RBPMS: variants seen among roughly 807,000 people sequenced by gnomAD.
The protein encoded by RBPMS is RNA-binding protein with multiple splicing.
Under a neutral mutation model 26.8 loss-of-function variants are expected in RBPMS, and 7 were observed. The ratio of observed to expected loss-of-function variants is 0.26; its 90% CI spans 0.15 to 0.49. The LOEUF (loss-of-function observed/expected upper bound fraction) is 0.49, where lower values mean the gene tolerates loss of function less well. Ranked by LOEUF, RBPMS falls within the 20% of genes least tolerant of loss-of-function variation. The pLI, the probability that RBPMS is intolerant of heterozygous loss-of-function variation, is 0.98. For missense variants in RBPMS, 186 were observed against 250.0 expected, an observed-to-expected ratio of 0.74 and a Z score of 1.73; for synonymous variants, 96 against 93.3, an observed-to-expected ratio of 1.03 and a Z score of -0.17.
chr8:30,557,319 G>C (rs1198165281), intron 6 of RBPMS, among the ~76,000 whole-genome samples: 1 of 152,168 alleles, frequency 6.6e-6, no homozygotes, highest in Non-Finnish European at 1.5e-5. Context: ...CTCGGACCAG[G>C]GACAAGGTCG....
chr8:30,513,790 A>G (rs965088641), intron 5 of RBPMS, among the ~76,000 whole-genome samples: 21 of 152,072 alleles, frequency 1.4e-4, no homozygotes, highest in African/African-American at 4.6e-4. Context: ...TTTGATGACC[A>G]TTTCTCACCT....
chr8:30,475,326 A>G (rs1398408198), intron 2 of RBPMS, among the ~76,000 whole-genome samples: 2 of 152,212 alleles, frequency 1.3e-5, no homozygotes, highest in Admixed American at 6.5e-5. Flanking sequence ...CTTGATAGAT[A>G]CTTAATGTTG....
intron 5 of RBPMS, among the ~76,000 whole-genome samples, chr8:30,528,901 T>C (rs949173256): frequency 6.6e-6 from 1 of 152,066 alleles, no homozygotes; most frequent in African/African-American, 2.4e-5. Flanking sequence ...GTATTTTTTT[T>C]TGGTATGTTA....
intron 1 of RBPMS, among the ~76,000 whole-genome samples, chr8:30,451,725 A>G (rs1814609664): frequency 6.6e-6 from 1 of 152,198 alleles, no homozygotes; most frequent in African/African-American, 2.4e-5. Context: ...AGATACTTGC[A>G]CAGGCTTCAG....
rs904600087 is a variant in RBPMS, at chr8:30,556,045, C to T, written c.529-2842C>T. ...GCCCTCTGCTGGAAGCTGGGCGCAG[C>T]GGAGCCTCTCAGGCTGGAAGAGGAG... On this transcript the variant is annotated intron_variant, in intron 6 of 8. Transcript: ENST00000397323. The T allele has an allele frequency of 9.1e-6, 9 of 985,308 alleles. No individual in the cohort carries two copies. In the African/African-American group the frequency reaches 1.0e-4, roughly 11 times the overall value. The allele number at this position is 985,308 out of a possible 1,614,324, so 61.0% of individuals were successfully genotyped here.
At chr8:30,547,389 C>G (rs1397173639) in intron 6 of RBPMS, 2 of 1,610,844 alleles carry the variant, frequency 1.2e-6, no homozygotes, top group Middle Eastern at 1.6e-4. Flanking sequence ...ACATACCAAC[C>G]TACTGCAGAC....
intron 1 of RBPMS, among the ~76,000 whole-genome samples, chr8:30,461,693 C>T (rs989117563): frequency 6.6e-6 from 1 of 152,222 alleles, no homozygotes; most frequent in African/African-American, 2.4e-5. Context: ...CCGCACCCGG[C>T]CTCATGTACA....
chr8:30,432,640 A>G (rs190896779), intron 1 of RBPMS, among the ~76,000 whole-genome samples: 43 of 152,334 alleles, frequency 2.8e-4, no homozygotes, highest in Non-Finnish European at 5.3e-4. Context: ...GGCTTTATTA[A>G]TAAAGTGTAG....
intron 7 of RBPMS, chr8:30,565,085 G>A (rs549180632): frequency 6.6e-6 from 1 of 152,330 alleles, no homozygotes; most frequent in South Asian, 2.1e-4. Context: ...GAGAGGTTGG[G>A]TGAGCTGATT....
chr8:30,545,819 G>A lies in RBPMS; in HGVS notation c.528+1195G>A, dbSNP rs151244674. On this transcript the variant is annotated intron_variant, in intron 6 of 8. Transcript: ENST00000397323. The stretch of plus-strand genomic sequence containing the variant: ...CCCGGCTTCCTGGCCTGCCCTTGGT[G>A]CCTGAGCCCCAGTAATGATTGCCCT... 1.8e-4 allele frequency among the ~76,000 whole-genome samples: 27 copies of A among 152,278 alleles called. No homozygotes were observed. In the East Asian group the frequency reaches 5.2e-3, roughly 29 times the overall value.
intron 8 of RBPMS, among the ~76,000 whole-genome samples, chr8:30,568,257 A>C (rs554648148): frequency 1.3e-5 from 2 of 152,278 alleles, no homozygotes; most frequent in South Asian, 4.1e-4. Context: ...TGACTTGGTA[A>C]CCAGGAAGCC....
intron 1 of RBPMS, among the ~76,000 whole-genome samples, chr8:30,416,876 T>C (rs1810147539): frequency 6.6e-6 from 1 of 152,088 alleles, no homozygotes; most frequent in Non-Finnish European, 1.5e-5. Flanking sequence ...TTCAAGTAAG[T>C]CTCCTGTCTC....
intron 5 of RBPMS, among the ~76,000 whole-genome samples, chr8:30,526,125 T>G (rs968601085): frequency 6.6e-6 from 1 of 152,208 alleles, no homozygotes; most frequent in South Asian, 2.1e-4. Flanking sequence ...GTGCAGGCCC[T>G]TCATGATCTG....
chr8:30,448,859 T>C (rs1814187231), intron 1 of RBPMS, among the ~76,000 whole-genome samples: 1 of 152,252 alleles, frequency 6.6e-6, no homozygotes, highest in African/African-American at 2.4e-5. Flanking sequence ...TACAACTCTA[T>C]ATACTCTTCA....
intron 6 of RBPMS, chr8:30,556,564 C>T (rs1009087004): frequency 6.1e-5 from 60 of 986,560 alleles, no homozygotes; most frequent in South Asian, 2.3e-4. Flanking sequence ...CGGGGCTCAG[C>T]GCCCCAACCC....
intron 5 of RBPMS, among the ~76,000 whole-genome samples, chr8:30,515,822 A>G (rs537634067): frequency 6.6e-6 from 1 of 151,910 alleles, no homozygotes; most frequent in Admixed American, 6.5e-5. Flanking sequence ...TGCCTGTCTA[A>G]TTTTCTAATT....
rs532250432 is a variant in RBPMS at position 30,509,702 on chromosome 8, G to A, written c.397+5266G>A. On this transcript the variant is annotated intron_variant, in intron 5 of 8. Transcript: ENST00000397323. ...GTCAGTTTCACGCCTGCTCTCCAGC[G>A]GCATTGTTTATGAAGACTGACTGGG... Among the ~76,000 whole-genome samples the A allele has an allele frequency of 9.2e-5, 14 of 152,298 alleles. No homozygotes were observed. The South Asian group carries it at 2.3e-3, about 25-fold the overall frequency.
At chr8:30,448,747 T>C (rs1292098478) in intron 1 of RBPMS, among the ~76,000 whole-genome samples, 1 of 152,258 alleles carries the variant, frequency 6.6e-6, no homozygotes, top group Non-Finnish European at 1.5e-5. Context: ...TTCAGTTTCC[T>C]TATCTATAAA....
chr8:30,442,435 A>C (rs1249898766), intron 1 of RBPMS, among the ~76,000 whole-genome samples: 2 of 151,194 alleles, frequency 1.3e-5, no homozygotes, highest in Non-Finnish European at 2.9e-5. Context: ...CACTCCTTTC[A>C]CCCTCACCGT....
Sources: allele counts gnomAD v4.1 joint callset (sites outside exome capture counted in the v4.1 genomes callset), GRCh38; gene constraint gnomAD v4.1.1; transcripts MANE v1.5; gene names NCBI Gene and HGNC (gene_info 2026-07-23, HGNC 2026-07-21).